EPB41L3: variants seen among roughly 807,000 people sequenced by gnomAD.
EPB41L3 encodes the protein band 4.1-like protein 3.
EPB41L3 carries 57 observed loss-of-function variants against 127.1 expected under a neutral mutation model. The ratio of observed to expected loss-of-function variants is 0.45; its 90% CI spans 0.36 to 0.56. The LOEUF (loss-of-function observed/expected upper bound fraction) is 0.56, where lower values mean the gene tolerates loss of function less well. Among genes scored for constraint, EPB41L3 ranks in the 20% least tolerant of loss-of-function variants. The pLI is 0.00. For missense variants in EPB41L3, 1,273 were observed against 1,372.2 expected (o/e 0.93, Z 1.14); for synonymous variants, 572 against 549.5 (o/e 1.04, Z -0.57).
intron 12 of EPB41L3, 90 bp downstream of exon 12, chr18:5,419,621 T>C (rs2077223275): frequency 3.2e-6 from 5 of 1,544,568 alleles, no homozygotes; most frequent in East Asian, 2.3e-5. Context: ...TTATCCTAAA[T>C]CTGAGCACAT....
chr18:5,422,131 G>C (rs1175166457), intron 11 of EPB41L3, among the ~76,000 whole-genome samples: 1 of 152,072 alleles, frequency 6.6e-6, no homozygotes, highest in Non-Finnish European at 1.5e-5. Context: ...AACAGACCTG[G>C]AGAGCTGAAA....
intron 3 of EPB41L3, among the ~76,000 whole-genome samples, chr18:5,463,214 T>C (rs1365812855): frequency 2.6e-5 from 4 of 152,198 alleles, no homozygotes; most frequent in South Asian, 2.1e-4. Flanking sequence ...TAGCCTCCAA[T>C]TGCTATTTAG....
At chr18:5,400,689 C>A in intron 16 of EPB41L3, 1 of 497,140 alleles carries the variant, frequency 2.0e-6, no homozygotes, top group Non-Finnish European at 3.7e-6. Context: ...GGCAGTAAAA[C>A]AACATTTCAG....
At chr18:5,525,790 T>C (rs1402168847) in intron 1 of EPB41L3, among the ~76,000 whole-genome samples, 2 of 152,184 alleles carry the variant, frequency 1.3e-5, no homozygotes, top group Non-Finnish European at 2.9e-5. Flanking sequence ...TTAGTGAATA[T>C]CTAAATTGAT....
Position 5,478,324 on chromosome 18 carries a change from G to A in EPB41L3, c.298C>T (p.Pro100Ser). Residue 100 changes from proline (P) to serine (S), a missense_variant, in exon 3 of 23, where the codon CCA becomes TCA. By Grantham distance (74) the Pro-to-Ser change is moderately conservative. This residue lies in a region of EPB41L3 where 182 missense variants were observed against 149.2 expected (regional missense o/e 1.22). Transcript: ENST00000341928. ...TTAGGCTTTTTGACAATCTTTAATG[G>A]AGACCGAGAGAGTTTACTGCTAGAT... ...KSSSSKLSRS[P>S]LKIVKKPKSM... The A allele has an allele frequency of 6.2e-7, 1 of 1,613,994 alleles. No individual in the cohort carries two copies. Among genetic ancestry groups the A allele is most frequent in the Non-Finnish European group, 8.5e-7 (1 of 1,179,974 alleles).
intron 11 of EPB41L3, 74 bp from the exon 12 acceptor site, chr18:5,419,951 A>G (rs781685677): frequency 1.2e-6 from 2 of 1,610,500 alleles, no homozygotes; most frequent in Non-Finnish European, 1.7e-6. Flanking sequence ...AATACAATTA[A>G]AGAAATAAAA....
intron 3 of EPB41L3, among the ~76,000 whole-genome samples, chr18:5,477,993 T>C (rs892852457): frequency 2.0e-5 from 3 of 152,242 alleles, no homozygotes; most frequent in Non-Finnish European, 4.4e-5. Flanking sequence ...CCTACCATAT[T>C]GTTGGAGACT....
intron 3 of EPB41L3, among the ~76,000 whole-genome samples, chr18:5,457,481 T>C (rs952324023): frequency 6.6e-6 from 1 of 151,970 alleles, no homozygotes; most frequent in East Asian, 1.9e-4. Context: ...AGTGAAAATT[T>C]AGGGAGGTCA....
chr18:5,627,138 T>A (rs2144341169), intron 1 of EPB41L3, among the ~76,000 whole-genome samples: 1 of 152,290 alleles, frequency 6.6e-6, no homozygotes, highest in Non-Finnish European at 1.5e-5. Flanking sequence ...GGACCCATCC[T>A]CTGTGAAGTT....
intron 1 of EPB41L3, among the ~76,000 whole-genome samples, chr18:5,615,256 A>G (rs2094779961): frequency 6.6e-6 from 1 of 152,054 alleles, no homozygotes; most frequent in South Asian, 2.1e-4. Flanking sequence ...TTTTTTTGAG[A>G]AGCATGGAGC....
At chr18:5,450,605 TA>T (rs1568231671) in intron 3 of EPB41L3, among the ~76,000 whole-genome samples, 1 of 151,976 alleles carries the variant, frequency 6.6e-6, no homozygotes, top group Non-Finnish European at 1.5e-5. Context: ...ATTCTTAGTT[TA>T]AATTGTTAAT....
At chr18:5,596,594 T>C (rs1405006854) in intron 3 of EPB41L3, among the ~76,000 whole-genome samples, 2 of 152,206 alleles carry the variant, frequency 1.3e-5, no homozygotes, top group Non-Finnish European at 2.9e-5. Context: ...ATACTAGTTT[T>C]ACCTGATATT....
At chr18:5,484,463 C>T (rs1181272210) in intron 2 of EPB41L3, among the ~76,000 whole-genome samples, 4 of 150,006 alleles carry the variant, frequency 2.7e-5, no homozygotes, top group Non-Finnish European at 4.4e-5. Context: ...AACCAAACCC[C>T]AAATTAGGAA....
Position 5,443,819 on chromosome 18 carries a change from A to G in EPB41L3, c.529+19T>C. 1 of 1,606,502 alleles carries G rather than the reference A, an allele frequency of 6.2e-7. No homozygotes were observed. The highest frequency in any genetic ancestry group is 8.5e-7 in the Non-Finnish European group (1 of 1,176,290). On this transcript the variant is annotated intron_variant, in intron 5 of 22. Coordinates refer to ENST00000341928, the MANE Select transcript of EPB41L3 (RefSeq NM_012307.5). ...GAAAACCTTCACATTTCCACAAAAA[A>G]TAATCCAAAAGAACTTACTTCGAAC... is the stretch of plus-strand genomic sequence containing the variant.
chr18:5,466,111 C>T (rs74991875), intron 3 of EPB41L3, among the ~76,000 whole-genome samples: 6,478 of 152,234 alleles, frequency 0.043, 305 homozygotes, highest in East Asian at 0.24. Flanking sequence ...CAGCAAACAA[C>T]ATTGGACTGA....
chr18:5,561,260 A>G (rs2094132038), intron 3 of EPB41L3, among the ~76,000 whole-genome samples: 2 of 152,216 alleles, frequency 1.3e-5, no homozygotes, highest in South Asian at 4.1e-4. Context: ...TATAGGCGTG[A>G]GCCACCGCGC....
intron 3 of EPB41L3, among the ~76,000 whole-genome samples, chr18:5,553,545 T>C (rs1026171767): frequency 6.6e-6 from 1 of 152,110 alleles, no homozygotes; most frequent in Non-Finnish European, 1.5e-5. Context: ...CAAAATGGGG[T>C]CATTGTATAA....
intron 2 of EPB41L3, among the ~76,000 whole-genome samples, chr18:5,486,053 A>G (rs1386978094): frequency 2.0e-5 from 3 of 152,162 alleles, no homozygotes; most frequent in African/African-American, 7.2e-5. Flanking sequence ...ACTAAAAAGA[A>G]CAAAGCTGGA....
intron 22 of EPB41L3, chr18:5,393,976 T>G (rs973309720): frequency 1.9e-5 from 3 of 156,846 alleles, no homozygotes; most frequent in African/African-American, 7.2e-5. Flanking sequence ...ATAGATGATA[T>G]AGTCTGCTCA....
Sources: gnomAD v4.1 joint callset for allele counts (sites outside exome capture counted in the v4.1 genomes callset) on GRCh38, gnomAD v4.1.1 for gene constraint, gnomAD v4.1.1 regional missense constraint, MANE v1.5 for transcripts, NCBI Gene and HGNC (gene_info 2026-07-23, HGNC 2026-07-21) for gene names.